Variants in TENM1 observed in about 807,000 individuals in gnomAD.
The protein encoded by TENM1 is teneurin-1.
In TENM1, 35 loss-of-function variants were observed where a neutral mutation model predicts 174.8. The observed-to-expected ratio is 0.20, with a 90% CI of 0.15 to 0.27. The LOEUF is 0.27. Ranked by LOEUF, TENM1 falls within the 10% of genes least tolerant of loss-of-function variation. TENM1 has a pLI of 1.00. For missense variants in TENM1, 1,633 were observed against 2,130.1 expected (o/e 0.77, Z 4.59); for synonymous variants, 781 against 798.7 (o/e 0.98, Z 0.37).
At chrX:124,853,892 G>C (rs781227460) in intron 3 of TENM1, among the ~76,000 whole-genome samples, 3 of 111,331 alleles carry the variant, frequency 2.7e-5, no homozygotes, top group Non-Finnish European at 5.7e-5. Flanking sequence ...GCTGATTAAT[G>C]GTTGAGGATT....
intron 14 of TENM1, among the ~76,000 whole-genome samples, chrX:124,558,476 T>C (rs1272294019): frequency 1.8e-5 from 2 of 111,516 alleles, no homozygotes; most frequent in East Asian, 5.6e-4. Context: ...CAATTGGTGC[T>C]TTCTAATGTA....
At chrX:124,756,198 T>A (rs745713805) in intron 3 of TENM1, among the ~76,000 whole-genome samples, 1 of 102,813 alleles carries the variant, frequency 9.7e-6, no homozygotes, top group Middle Eastern at 4.7e-3. Flanking sequence ...CTTTTTATTT[T>A]TTTTTTCTCT....
intron 3 of TENM1, among the ~76,000 whole-genome samples, chrX:124,769,712 G>A (rs762614840): frequency 4.0e-4 from 45 of 112,083 alleles, no homozygotes; most frequent in Non-Finnish European, 7.3e-4. Flanking sequence ...ATTCTTTTTG[G>A]AAAAGCAGCA....
intron 3 of TENM1, among the ~76,000 whole-genome samples, chrX:124,869,012 G>A (rs935596524): frequency 9.6e-6 from 1 of 104,197 alleles, no homozygotes; most frequent in Non-Finnish European, 2.0e-5. Context: ...ATCACTTGAC[G>A]TCAGGAGCTC....
intron 11 of TENM1, among the ~76,000 whole-genome samples, chrX:124,635,981 A>G (rs763274368): frequency 1.8e-5 from 2 of 112,226 alleles, no homozygotes; most frequent in Non-Finnish European, 3.8e-5. Context: ...AAAGAAGCCT[A>G]TATCAAATAT....
intron 22 of TENM1, among the ~76,000 whole-genome samples, chrX:124,462,041 T>G (rs1042544055): frequency 9.0e-6 from 1 of 111,545 alleles, no homozygotes; most frequent in African/African-American, 3.3e-5. Flanking sequence ...TCATTTTCAG[T>G]ATGACAGAGA....
At chrX:125,171,379 A>G in the TENM1 span, among the ~76,000 whole-genome samples, 1 of 110,758 alleles carries the variant, frequency 9.0e-6, no homozygotes, top group East Asian at 2.8e-4. Context: ...TTGTAATATT[A>G]ATTCAATTTA....
the TENM1 span, among the ~76,000 whole-genome samples, chrX:125,187,290 G>A: frequency 8.9e-6 from 1 of 112,239 alleles, no homozygotes; most frequent in Non-Finnish European, 1.9e-5. Flanking sequence ...TCATTTATTA[G>A]TAATGTAAAA....
intron 3 of TENM1, among the ~76,000 whole-genome samples, chrX:124,811,397 C>A (rs2055769386): frequency 9.0e-6 from 1 of 111,438 alleles, no homozygotes; most frequent in Non-Finnish European, 1.9e-5. Context: ...AAATGGCCAA[C>A]AAGTATATAG....
intron 15 of TENM1, among the ~76,000 whole-genome samples, chrX:124,535,093 A>G (rs982638348): frequency 2.7e-5 from 3 of 111,963 alleles, no homozygotes; most frequent in African/African-American, 9.7e-5. Context: ...TCTCTTATAG[A>G]TCAGTGATTC....
At chrX:124,829,346 T>C (rs2056238239) in intron 3 of TENM1, among the ~76,000 whole-genome samples, 1 of 112,180 alleles carries the variant, frequency 8.9e-6, no homozygotes, top group African/African-American at 3.2e-5. Context: ...TGCTGAGAGA[T>C]TTCCTGTTAA....
chrX:124,953,405 T>C (rs1303124233), intron 1 of TENM1, among the ~76,000 whole-genome samples: 3 of 111,971 alleles, frequency 2.7e-5, no homozygotes, highest in Non-Finnish European at 3.8e-5. Context: ...TATATTTCAC[T>C]AACTTTCCTT....
At chrX:124,701,599 T>A (rs575811082) in intron 5 of TENM1, among the ~76,000 whole-genome samples, 1 of 112,423 alleles carries the variant, frequency 8.9e-6, no homozygotes, top group Non-Finnish European at 1.9e-5. Flanking sequence ...AGATGAAGCA[T>A]AAGGACATAC....
chrX:124,408,897 C>T (rs1481406763), intron 25 of TENM1, among the ~76,000 whole-genome samples: 7 of 96,314 alleles, frequency 7.3e-5, no homozygotes, highest in African/African-American at 2.7e-4. Context: ...TCAATTCCCA[C>T]CTATGAGTGA....
chrX:124,516,058 C>T (rs1171125048), intron 18 of TENM1, among the ~76,000 whole-genome samples: 3 of 111,333 alleles, frequency 2.7e-5, no homozygotes, highest in Non-Finnish European at 3.8e-5. Context: ...ACATCTACAA[C>T]CACCTGATCC....
the TENM1 span, among the ~76,000 whole-genome samples, chrX:124,990,464 C>G: frequency 8.9e-6 from 1 of 112,872 alleles, no homozygotes; most frequent in South Asian, 3.5e-4. Context: ...TAAAAAAGAA[C>G]AGCAATAAAT....
At chrX:125,141,826 T>C in the TENM1 span, among the ~76,000 whole-genome samples, 1 of 111,283 alleles carries the variant, frequency 9.0e-6, no homozygotes, top group South Asian at 3.8e-4. Context: ...CCCTTCACTA[T>C]ATTTCTGGAA....
At chrX:124,535,844 T>G (rs2048194402) in intron 15 of TENM1, among the ~76,000 whole-genome samples, 1 of 112,222 alleles carries the variant, frequency 8.9e-6, no homozygotes, top group Admixed American at 9.4e-5. Flanking sequence ...CTCATGGCAC[T>G]GCTTCAAGCA....
At chrX:124,931,336 C>T (rs973388062) in intron 1 of TENM1, among the ~76,000 whole-genome samples, 1 of 110,233 alleles carries the variant, frequency 9.1e-6, no homozygotes, top group Non-Finnish European at 1.9e-5. Flanking sequence ...ACAGCCAAAC[C>T]TTTTTTTAAA....
Sources: allele counts gnomAD v4.1 joint callset (sites outside exome capture counted in the v4.1 genomes callset), GRCh38; gene constraint gnomAD v4.1.1; transcripts MANE v1.5; gene names NCBI Gene and HGNC (gene_info 2026-07-23, HGNC 2026-07-21).